The following BMPR2 variants were observed in gnomAD, a reference collection of about 807,000 sequenced individuals.
BMPR2 encodes the protein bone morphogenetic protein receptor type-2.
A neutral mutation model predicts 100.8 loss-of-function variants in BMPR2; 29 were observed. The ratio of observed to expected loss-of-function variants is 0.29; its 90% CI spans 0.21 to 0.39. The LOEUF is 0.39. Ranked by LOEUF, BMPR2 falls within the 10% of genes least tolerant of loss-of-function variation. BMPR2 has a pLI of 1.00. For synonymous variants in BMPR2, 382 were observed against 442.3 expected (o/e 0.86, Z 1.71); for missense variants, 1,011 against 1,274.5 (o/e 0.79, Z 3.15).
chr2:202,543,220 A>ATTTATATATATATTTATATACATATATG (rs1688311861), intron 10 of BMPR2, among the ~76,000 whole-genome samples: 1 of 147,024 alleles, frequency 6.8e-6, no homozygotes, highest in African/African-American at 2.5e-5. Context: ...ATACATATAT[A>ATTTATATATATATTTATATACATATATG]TTTATATATA....
At chr2:202,430,849 C>T (rs1168748354) in intron 1 of BMPR2, among the ~76,000 whole-genome samples, 1 of 149,642 alleles carries the variant, frequency 6.7e-6, no homozygotes, top group African/African-American at 2.6e-5. Context: ...ATCCCAGCTA[C>T]TCAGGAGGCT....
chr2:202,412,578 G>A (rs557030022), intron 1 of BMPR2, among the ~76,000 whole-genome samples: 2 of 152,042 alleles, frequency 1.3e-5, no homozygotes, highest in Middle Eastern at 3.2e-3. Flanking sequence ...CTCGGCCTCC[G>A]AAAGTGCTGG....
chr2:202,389,806 T>C (rs1413468311), intron 1 of BMPR2, among the ~76,000 whole-genome samples: 6 of 151,814 alleles, frequency 4.0e-5, no homozygotes, highest in Non-Finnish European at 8.8e-5. Flanking sequence ...CACGTCCGGC[T>C]AATTTTGTGT....
intron 1 of BMPR2, among the ~76,000 whole-genome samples, chr2:202,439,264 C>A (rs116540939): frequency 6.7e-6 from 1 of 149,632 alleles, no homozygotes; most frequent in Non-Finnish European, 1.5e-5. Flanking sequence ...ATTTGGATTG[C>A]TCATTGCTAG....
At chr2:202,484,571 G>A (rs546459553) in intron 3 of BMPR2, among the ~76,000 whole-genome samples, 1 of 152,132 alleles carries the variant, frequency 6.6e-6, no homozygotes, top group Admixed American at 6.5e-5. Flanking sequence ...TGCTGGGGAG[G>A]CTGAGGCAGG....
intron 3 of BMPR2, among the ~76,000 whole-genome samples, chr2:202,479,469 A>T (rs1210371729): frequency 6.6e-6 from 1 of 151,336 alleles, no homozygotes; most frequent in Non-Finnish European, 1.5e-5. Flanking sequence ...TTAATAAAAA[A>T]AAGTAGAGCA....
intron 3 of BMPR2, among the ~76,000 whole-genome samples, chr2:202,479,412 A>G (rs1457926684): frequency 6.6e-6 from 1 of 152,174 alleles, no homozygotes; most frequent in East Asian, 1.9e-4. Context: ...GCACTTATAT[A>G]AACAGTATGT....
At position 202,519,049 on chromosome 2, in the gene BMPR2, C is replaced by T. The variant is rs1376931625; in HGVS notation, c.849C>T (p.Pro283=). ...ATTTGCTTGTGATGGAGTACTATCC[C>T]AATGTAAGTTCTTCATAGAAAATAA... ...MEYLLVMEYY[P]NGSLCKYLSL... The change falls in exon 6 of 13, where the codon CCC becomes CCT. Residue 283 remains proline, a synonymous_variant. Coordinates refer to ENST00000374580, the MANE Select transcript of BMPR2 (RefSeq NM_001204.7). 2 of 1,613,244 alleles carry T rather than the reference C, an allele frequency of 1.2e-6. No individual in the cohort carries two copies. The highest frequency in any genetic ancestry group is 3.3e-5 in the Admixed American group (2 of 60,006).
intron 9 of BMPR2, among the ~76,000 whole-genome samples, chr2:202,534,172 G>GTA (rs534273079): frequency 1.9e-3 from 280 of 148,634 alleles, no homozygotes; most frequent in African/African-American, 3.2e-3. Flanking sequence ...TCAAGTGTGT[G>GTA]TATATATATA....
chr2:202,460,659 A>G (rs1692208084), intron 1 of BMPR2, among the ~76,000 whole-genome samples: 1 of 152,076 alleles, frequency 6.6e-6, no homozygotes, highest in African/African-American at 2.4e-5. Flanking sequence ...GATAAAAGAG[A>G]ATGTGCTGAT....
At chr2:202,498,698 G>A (rs1693096747) in intron 3 of BMPR2, among the ~76,000 whole-genome samples, 3 of 152,120 alleles carry the variant, frequency 2.0e-5, no homozygotes, top group Non-Finnish European at 4.4e-5. Context: ...GGACCAATTT[G>A]ACCCACAAAC....
chr2:202,523,864 T>C (rs1207307555), intron 7 of BMPR2, among the ~76,000 whole-genome samples: 1 of 152,108 alleles, frequency 6.6e-6, no homozygotes, highest in Non-Finnish European at 1.5e-5. Flanking sequence ...TACACAGCCA[T>C]AAAAATGAAT....
rs2105891076 is a variant in BMPR2 at position 202,376,398 on chromosome 2, C to T, written c.-1077C>T. Among the ~76,000 whole-genome samples, 1 of 148,286 alleles carries T rather than the reference C, an allele frequency of 6.7e-6. No individual in the cohort carries two copies. The highest frequency in any genetic ancestry group is 2.1e-4 in the East Asian group (1 of 4,760). ...TCCCGGAGGGACGCAGGGTGTCTCGCCGCCTCCCTGCCCACCCCCTTCCCC... is the reference window on the plus strand; with the variant it reads ...TCCCGGAGGGACGCAGGGTGTCTCGTCGCCTCCCTGCCCACCCCCTTCCCC... On this transcript the variant is annotated 5_prime_UTR_variant, in exon 1 of 13. Coordinates refer to ENST00000374580, the MANE Select transcript of BMPR2 (RefSeq NM_001204.7).
chr2:202,559,610 G>A, intron 12 of BMPR2, 86 bp from the exon 13 acceptor site: 2 of 1,412,992 alleles, frequency 1.4e-6, no homozygotes, highest in Non-Finnish European at 2.0e-6. Flanking sequence ...CTGAGACATT[G>A]GTTTGACCTT....
intron 1 of BMPR2, among the ~76,000 whole-genome samples, chr2:202,403,007 T>C (rs1409929466): frequency 1.3e-5 from 2 of 151,326 alleles, no homozygotes; most frequent in Non-Finnish European, 2.9e-5. Flanking sequence ...TTTGTATTTT[T>C]AGTAGAGATG....
chr2:202,531,929 T>G (rs1688037259), intron 8 of BMPR2, among the ~76,000 whole-genome samples: 1 of 100,722 alleles, frequency 9.9e-6, no homozygotes, highest in African/African-American at 3.8e-5. Flanking sequence ...CGCCCAGCTG[T>G]ATTTTTTTTT....
intron 3 of BMPR2, chr2:202,474,815 C>CCGGCCACATT (rs1559049666): frequency 1.3e-5 from 2 of 152,194 alleles, no homozygotes; most frequent in African/African-American, 4.8e-5. Context: ...GCCACCGCGC[C>CCGGCCACATT]TGCTGGAAAG....
chr2:202,384,568 CTTTTTCTTTCTTTTCTTTCT>C (rs1690382898), intron 1 of BMPR2, among the ~76,000 whole-genome samples: 11 of 11,270 alleles, frequency 9.8e-4, no homozygotes, highest in South Asian at 3.8e-3. Flanking sequence ...TTCTTTCTTT[CTTTTTCTTTCTTTTCTTTCT>C]TTTCTTTCTT....
In BMPR2 at chr2:202,566,748, T is replaced by C. The variant is rs1453539553; in HGVS notation, c.*6802T>C. The C allele has an allele frequency of 6.6e-6, 1 of 152,142 alleles. No individual in the cohort carries two copies. Among genetic ancestry groups the C allele is most frequent in the African/African-American group, 2.4e-5 (1 of 41,438 alleles). The allele number at this position is 152,142 out of a possible 1,614,324, so 9.4% of individuals were successfully genotyped here. ...AATAGCTTGGATGGTTTTGAGAAAA[T>C]AACCTGTATTTATCACATTGTCAAA... is the stretch of plus-strand genomic sequence containing the variant. On this transcript the variant is annotated 3_prime_UTR_variant, in exon 13 of 13. Coordinates refer to ENST00000374580, the MANE Select transcript of BMPR2 (RefSeq NM_001204.7).
Sources: allele counts gnomAD v4.1 joint callset (sites outside exome capture counted in the v4.1 genomes callset), GRCh38; gene constraint gnomAD v4.1.1; transcripts MANE v1.5; gene names NCBI Gene and HGNC (gene_info 2026-07-23, HGNC 2026-07-21).